RORA: variants seen among roughly 807,000 people sequenced by gnomAD.
RORA encodes RAR related orphan receptor A, also known as nuclear receptor ROR-alpha.
RORA carries 7 observed loss-of-function variants against 69.5 expected under a neutral mutation model. That is an observed-to-expected ratio of 0.10 (90% CI 0.06 to 0.19). The LOEUF is 0.19. Ranked by LOEUF, RORA falls within the 10% of genes least tolerant of loss-of-function variation. The probability of loss-of-function intolerance (pLI) is 1.00; values close to 1 mark genes in which losing one functional copy is unlikely to be tolerated. For synonymous variants in RORA, 261 were observed against 240.8 expected (o/e 1.08, Z -0.78); for missense variants, 457 against 663.0 (o/e 0.69, Z 3.41).
At chr15:61,050,099 C>T (rs1301547909) in intron 1 of RORA, among the ~76,000 whole-genome samples, 2 of 152,176 alleles carry the variant, frequency 1.3e-5, no homozygotes, top group Non-Finnish European at 2.9e-5. Flanking sequence ...TTTTTATCAC[C>T]TCCTAGAGCA....
intron 2 of RORA, among the ~76,000 whole-genome samples, chr15:60,629,943 C>T (rs927194578): frequency 6.6e-6 from 1 of 152,336 alleles, no homozygotes; most frequent in Admixed American, 6.5e-5. Flanking sequence ...TGGAACCCAG[C>T]CTAACTTCCA....
intron 1 of RORA, among the ~76,000 whole-genome samples, chr15:60,854,717 T>C (rs192565241): frequency 2.0e-5 from 3 of 152,338 alleles, no homozygotes; most frequent in Non-Finnish European, 2.9e-5. Context: ...AATATTAGCA[T>C]GTGATATTGG....
intron 1 of RORA, among the ~76,000 whole-genome samples, chr15:61,215,909 C>T (rs1455682515): frequency 2.0e-5 from 3 of 152,184 alleles, no homozygotes; most frequent in Admixed American, 6.5e-5. Context: ...ACTATTATTA[C>T]AGCATTACTC....
chr15:60,952,285 G>A (rs1351225235), intron 1 of RORA, among the ~76,000 whole-genome samples: 10 of 151,998 alleles, frequency 6.6e-5, no homozygotes, highest in Non-Finnish European at 8.8e-5. Context: ...TTGATGGGAC[G>A]TATTTCAAAA....
At chr15:60,958,671 A>G (rs752109689) in intron 1 of RORA, among the ~76,000 whole-genome samples, 2 of 152,200 alleles carry the variant, frequency 1.3e-5, no homozygotes, top group Non-Finnish European at 2.9e-5. Flanking sequence ...AATAAAGGAA[A>G]TAAAACGCAT....
At chr15:60,895,833 C>A (rs1475720462) in intron 1 of RORA, among the ~76,000 whole-genome samples, 2 of 152,124 alleles carry the variant, frequency 1.3e-5, no homozygotes, top group Non-Finnish European at 2.9e-5. Flanking sequence ...CACTTTTGGT[C>A]TCATTTTCTT....
chr15:60,778,235 GTTTGTTTGT>G (rs2072202890), intron 1 of RORA, among the ~76,000 whole-genome samples: 1 of 151,172 alleles, frequency 6.6e-6, no homozygotes, highest in African/African-American at 2.5e-5. Context: ...TTGTTTGTTT[GTTTGTTTGT>G]TTGTTTTTTA....
intron 1 of RORA, among the ~76,000 whole-genome samples, chr15:61,164,366 T>C (rs879278178): frequency 1.3e-5 from 2 of 152,140 alleles, no homozygotes; most frequent in Non-Finnish European, 2.9e-5. Flanking sequence ...AGATTGGGAG[T>C]GAAGGATCTG....
Position 61,056,199 on chromosome 15 carries a change from G to A in RORA, c.166+172854C>T, listed in dbSNP as rs554464673. Among the ~76,000 whole-genome samples the A allele has an allele frequency of 1.1e-4, 16 of 152,266 alleles. No individual in the cohort carries two copies. The East Asian group carries it at 1.4e-3, about 13-fold the overall frequency. ...AGTGAGCACCCGTTTTGGAGTGTGC[G>A]CTATGAATTTGCTGGCTCCGACAGT... On this transcript the variant is annotated intron_variant, in intron 1 of 10. Transcript: ENST00000335670.
chr15:61,159,245 C>A (rs1393346562), intron 1 of RORA, among the ~76,000 whole-genome samples: 1 of 152,126 alleles, frequency 6.6e-6, no homozygotes, highest in African/African-American at 2.4e-5. Flanking sequence ...ATGCCACACC[C>A]CTTCGAGACA....
chr15:60,890,343 A>G (rs59173136), intron 1 of RORA, among the ~76,000 whole-genome samples: 10,945 of 152,284 alleles, frequency 0.072, 449 homozygotes, highest in African/African-American at 0.1. Context: ...ACTACAGACC[A>G]CACCAACTCC....
intron 1 of RORA, among the ~76,000 whole-genome samples, chr15:60,812,729 G>A (rs1457381982): frequency 2.0e-5 from 3 of 152,180 alleles, no homozygotes; most frequent in African/African-American, 4.8e-5. Flanking sequence ...TAGCAGTGTC[G>A]TCTGAGAGTT....
intron 1 of RORA, among the ~76,000 whole-genome samples, chr15:60,838,869 CACACACACACACACACACAT>C (rs1372955210): frequency 2.3e-4 from 19 of 83,844 alleles, no homozygotes; most frequent in Admixed American, 9.5e-4. Flanking sequence ...CACACACACA[CACACACACACACACACACAT>C]ATACTTTTTT....
intron 10 of RORA, among the ~76,000 whole-genome samples, chr15:60,499,643 C>CT (rs1567037037): frequency 6.6e-6 from 1 of 152,210 alleles, no homozygotes; most frequent in African/African-American, 2.4e-5. Flanking sequence ...TAGAATGTAA[C>CT]TTTTTTTCCT....
intron 10 of RORA, among the ~76,000 whole-genome samples, chr15:60,498,034 G>C (rs540398397): frequency 5.9e-5 from 9 of 152,034 alleles, no homozygotes; most frequent in Non-Finnish European, 1.2e-4. Context: ...ACTCCAGCTT[G>C]GGTGACAGAG....
chr15:61,074,108 TATC>T (rs935092586), intron 1 of RORA, among the ~76,000 whole-genome samples: 3 of 152,172 alleles, frequency 2.0e-5, no homozygotes, highest in South Asian at 2.1e-4. Flanking sequence ...TGCTTGCTAT[TATC>T]ATGAAGAGCA....
intron 1 of RORA, among the ~76,000 whole-genome samples, chr15:60,944,616 T>G (rs1194612881): frequency 6.6e-6 from 1 of 150,764 alleles, no homozygotes; most frequent in Non-Finnish European, 1.5e-5. Flanking sequence ...TCTCAGCTAC[T>G]TAGGAGGCTG....
At chr15:60,604,592 C>T (rs949646712) in intron 2 of RORA, among the ~76,000 whole-genome samples, 3 of 152,116 alleles carry the variant, frequency 2.0e-5, no homozygotes, top group Non-Finnish European at 4.4e-5. Context: ...TCTTACTCGC[C>T]ATTGTATTCC....
At chr15:60,963,836 G>A (rs1485147246) in intron 1 of RORA, among the ~76,000 whole-genome samples, 1 of 152,250 alleles carries the variant, frequency 6.6e-6, no homozygotes, top group Non-Finnish European at 1.5e-5. Context: ...CCTAGCCACA[G>A]TAGGAACTCT....
Sources: allele counts gnomAD v4.1 joint callset (sites outside exome capture counted in the v4.1 genomes callset), GRCh38; gene constraint gnomAD v4.1.1; transcripts MANE v1.5; gene names NCBI Gene and HGNC (gene_info 2026-07-23, HGNC 2026-07-21).